TTC28: variants seen among roughly 807,000 people sequenced by gnomAD.
TTC28 encodes tetratricopeptide repeat domain 28.
TTC28 carries 61 observed loss-of-function variants against 198.0 expected under a neutral mutation model. The observed-to-expected ratio is 0.31, with a 90% confidence interval of 0.25 to 0.38. The LOEUF (loss-of-function observed/expected upper bound fraction) is 0.38. TTC28 is among the 10% of genes least tolerant of loss of function. The pLI, the probability that TTC28 is intolerant of heterozygous loss-of-function variation, is 1.00. For missense variants in TTC28, 2,678 were observed against 3,164.0 expected (o/e 0.85, Z 3.69); for synonymous variants, 1,171 against 1,297.8 (o/e 0.90, Z 2.10).
chr22:28,497,989 G>A (rs2048479945), intron 2 of TTC28, among the ~76,000 whole-genome samples: 1 of 152,054 alleles, frequency 6.6e-6, no homozygotes, highest in Non-Finnish European at 1.5e-5. Context: ...AAAAAGAGTG[G>A]GGGCTGAGTA....
chr22:28,561,225 C>T (rs933817208), intron 2 of TTC28, among the ~76,000 whole-genome samples: 1 of 151,848 alleles, frequency 6.6e-6, no homozygotes, highest in African/African-American at 2.4e-5. Flanking sequence ...AGGCACCCAC[C>T]GCCACGCCCG....
chr22:28,573,883 C>T (rs927577862), intron 2 of TTC28, among the ~76,000 whole-genome samples: 6 of 151,938 alleles, frequency 3.9e-5, no homozygotes, highest in African/African-American at 1.5e-4. Context: ...AACCATCATT[C>T]TACTCTATCT....
chr22:28,663,247 CAAAA>C (rs527687773), intron 1 of TTC28, among the ~76,000 whole-genome samples: 4 of 65,752 alleles, frequency 6.1e-5, no homozygotes, highest in Admixed American at 1.8e-4. Flanking sequence ...AACTCCGTCT[CAAAA>C]AAAAAAAAAA....
At chr22:28,527,767 C>A (rs2049035816) in intron 2 of TTC28, among the ~76,000 whole-genome samples, 1 of 152,100 alleles carries the variant, frequency 6.6e-6, no homozygotes, top group Non-Finnish European at 1.5e-5. Context: ...TCTTGAGTAG[C>A]TGGGACTACA....
intron 5 of TTC28, among the ~76,000 whole-genome samples, chr22:28,257,739 CATAT>C (rs66590909): frequency 0.043 from 4,086 of 95,260 alleles, 94 homozygotes; most frequent in Non-Finnish European, 0.051. Context: ...GGTAATAGAA[CATAT>C]ATATATATAT....
rs1251920773 is a variant in TTC28, at chr22:28,107,079, GC to G, written c.2765del (p.Gly922AlafsTer49). The G allele has an allele frequency of 6.5e-7, 1 of 1,548,172 alleles. No homozygotes were observed. The highest frequency in any genetic ancestry group is 8.7e-7 in the Non-Finnish European group (1 of 1,144,200). ...ATTTTTACCTGTGTCCATTTCCCAG[GC>G]CCCGGTAAGCCTTGGCTTGGTCTTG... ...RMQDQAKAYRGLGNGHRAMGS... is the reference protein window; with the variant it reads ...RMQDQAKAYRXLGNGHRAMGS... On this transcript the variant is annotated frameshift_variant, in exon 7 of 23. Coordinates refer to ENST00000397906, the MANE Select transcript of TTC28 (RefSeq NM_001145418.2). LOFTEE classifies it high-confidence loss of function.
intron 12 of TTC28, 25 bp downstream of exon 12, chr22:28,094,055 G>C: frequency 6.7e-7 from 1 of 1,502,504 alleles, no homozygotes; most frequent in Non-Finnish European, 8.9e-7. Context: ...TCTGAAAATG[G>C]ACTTGGGGAT....
At chr22:28,554,428 G>T (rs1379750077) in intron 2 of TTC28, among the ~76,000 whole-genome samples, 1 of 147,198 alleles carries the variant, frequency 6.8e-6, no homozygotes, top group Non-Finnish European at 1.5e-5. Flanking sequence ...AAACCATAAA[G>T]ATTCTAGAAG....
At chr22:28,176,447 G>A (rs1363956204) in intron 5 of TTC28, among the ~76,000 whole-genome samples, 1 of 152,102 alleles carries the variant, frequency 6.6e-6, no homozygotes, top group African/African-American at 2.4e-5. Flanking sequence ...TGAGGGGTTG[G>A]TTAAAAGGTA....
chr22:27,992,025 A>G (rs1328513459), intron 19 of TTC28, among the ~76,000 whole-genome samples: 1 of 151,550 alleles, frequency 6.6e-6, no homozygotes, highest in South Asian at 2.1e-4. Context: ...CTGGCCCCAC[A>G]CCTGGTGGCT....
At chr22:28,104,584 A>G (rs951322297) in intron 8 of TTC28, among the ~76,000 whole-genome samples, 1 of 152,182 alleles carries the variant, frequency 6.6e-6, no homozygotes, top group Non-Finnish European at 1.5e-5. Flanking sequence ...GTGGAGGGCA[A>G]ATACATTGCT....
chr22:28,346,690 ATC>A (rs2045907477), intron 2 of TTC28, among the ~76,000 whole-genome samples: 1 of 152,202 alleles, frequency 6.6e-6, no homozygotes, highest in Non-Finnish European at 1.5e-5. Context: ...TAGATCTCCA[ATC>A]TCTGTAACGC....
At chr22:28,299,084 G>A (rs191565944) in intron 3 of TTC28, among the ~76,000 whole-genome samples, 3 of 152,144 alleles carry the variant, frequency 2.0e-5, no homozygotes, top group East Asian at 1.9e-4. Context: ...AAGTTTGAAC[G>A]TAGATAACCT....
intron 12 of TTC28, among the ~76,000 whole-genome samples, chr22:28,040,674 A>G (rs1259404762): frequency 6.6e-6 from 1 of 152,216 alleles, no homozygotes; most frequent in Non-Finnish European, 1.5e-5. Flanking sequence ...GAAAACCGGT[A>G]CAAGAAAAGG....
chr22:28,187,531 C>G (rs1252186287), intron 5 of TTC28, among the ~76,000 whole-genome samples: 1 of 152,214 alleles, frequency 6.6e-6, no homozygotes, highest in African/African-American at 2.4e-5. Flanking sequence ...AGGCTCCCCT[C>G]AGAATTTGTC....
chr22:28,402,420 A>C (rs2046929239), intron 2 of TTC28, among the ~76,000 whole-genome samples: 1 of 152,172 alleles, frequency 6.6e-6, no homozygotes, highest in South Asian at 2.1e-4. Context: ...TCTTTACCTA[A>C]AATCACCCCC....
At position 28,030,373 on chromosome 22, in the gene TTC28, G is replaced by GA. The variant is rs1395153187; in HGVS notation, c.3933-8dup. The GA allele has an allele frequency of 2.6e-6, 4 of 1,551,406 alleles. No individual in the cohort carries two copies. In the African/African-American group the frequency reaches 5.5e-5, roughly 21 times the overall value. ...CTCACTGCTGGCACAGGCCCTGCAG[G>GA]AAAAATTGCAGAAAAAGCCAATCAG... is the stretch of plus-strand genomic sequence containing the variant. On this transcript the variant is annotated splice_region_variant and splice_polypyrimidine_tract_variant and intron_variant, in intron 12 of 22. Transcript: ENST00000397906.
intron 2 of TTC28, among the ~76,000 whole-genome samples, chr22:28,518,907 A>G (rs1003963232): frequency 2.6e-5 from 4 of 152,244 alleles, no homozygotes; most frequent in African/African-American, 9.6e-5. Flanking sequence ...AGTATAGTAC[A>G]TAGAAGATTC....
intron 2 of TTC28, among the ~76,000 whole-genome samples, chr22:28,339,159 G>A (rs2045784751): frequency 6.6e-6 from 1 of 152,158 alleles, no homozygotes; most frequent in Non-Finnish European, 1.5e-5. Context: ...TGTTTGCCTG[G>A]GTATCAGCAG....
Sources: gnomAD v4.1 joint callset for allele counts (sites outside exome capture counted in the v4.1 genomes callset) on GRCh38, gnomAD v4.1.1 for gene constraint, MANE v1.5 for transcripts, NCBI Gene and HGNC (gene_info 2026-07-23, HGNC 2026-07-21) for gene names.